Variants in USP34 observed in about 807,000 individuals in gnomAD.
The protein encoded by USP34 is ubiquitin specific peptidase 34.
In USP34, 70 loss-of-function variants were observed where a neutral mutation model predicts 460.3. That is an observed-to-expected ratio of 0.15 (90% CI 0.13 to 0.19). The LOEUF is 0.19. Ranked by LOEUF, USP34 falls within the 10% of genes least tolerant of loss-of-function variation. The pLI is 1.00. For missense variants in USP34, 3,985 were observed against 4,236.2 expected (o/e 0.94, Z 1.65); for synonymous variants, 1,647 against 1,405.3 (o/e 1.17, Z -3.85).
At chr2:61,204,960 T>C (rs746279290) in intron 72 of USP34, among the ~76,000 whole-genome samples, 3 of 152,124 alleles carry the variant, frequency 2.0e-5, no homozygotes, top group Admixed American at 6.6e-5. Context: ...GTGCAAGTGA[T>C]CCTCCTGCCT....
intron 2 of USP34, among the ~76,000 whole-genome samples, chr2:61,415,935 G>A (rs942977872): frequency 6.6e-6 from 1 of 152,170 alleles, no homozygotes; most frequent in Admixed American, 6.5e-5. Context: ...AATTTTAAAA[G>A]TAATACTAAG....
chr2:61,378,912 C>CGAAAAAAAAAA (rs1692879189), intron 7 of USP34, among the ~76,000 whole-genome samples: 1 of 8,632 alleles, frequency 1.2e-4, no homozygotes, highest in Non-Finnish European at 2.1e-4. Flanking sequence ...CTCAAAAAAA[C>CGAAAAAAAAAA]GAAAAAAAAA....
chr2:61,191,559 T>TGC (rs1686643677), intron 76 of USP34, among the ~76,000 whole-genome samples: 1 of 152,204 alleles, frequency 6.6e-6, no homozygotes, highest in African/African-American at 2.4e-5. Context: ...TCACAGCCTG[T>TGC]GCCTCTGCCT....
Position 61,211,835 on chromosome 2 carries a change from T to A in USP34, c.8777A>T (p.Lys2926Ile). ...EELEDIKQFK[K>I]TTISCYLRCL... ...ACGTAAGTAACAACTTATGGTTGTT[T>A]TCTTGAACTGTTTAATATCTTCTAA... The change falls in exon 69 of 80, where the codon AAA becomes ATA. Residue 2926 changes from lysine (K) to isoleucine (I), a missense_variant. Physicochemically the swap from Lys to Ile is moderately radical, Grantham distance 102. Transcript: ENST00000398571. 1 of 1,609,178 alleles carries A rather than the reference T, an allele frequency of 6.2e-7. No individual in the cohort carries two copies.
intron 75 of USP34, chr2:61,193,984 G>C (rs1201739394): frequency 2.7e-6 from 1 of 375,380 alleles, no homozygotes. Context: ...TAATTTTCAT[G>C]TCAGAAAATA....
chr2:61,190,447 G>C lies in USP34; in HGVS notation c.9730-33C>G, dbSNP rs773393446. On this transcript the variant is annotated intron_variant, in intron 77 of 79. Transcript: ENST00000398571. ...AGAAGATTTAAAAAAATCTCCAAAA[G>C]ACCAGCATAATGAAACCACAAGCAT... is the stretch of plus-strand genomic sequence containing the variant. 8 of 1,601,012 alleles carry C rather than the reference G, an allele frequency of 5.0e-6. No individual in the cohort carries two copies. The Admixed American group carries it at 1.4e-4, about 28-fold the overall frequency.
Position 61,223,295 on chromosome 2 carries a change from G to A in USP34, c.7597C>T (p.His2533Tyr), listed in dbSNP as rs1483822596. 2 of 1,613,252 alleles carry A rather than the reference G, an allele frequency of 1.2e-6. No individual in the cohort carries two copies. The highest frequency in any genetic ancestry group is 2.7e-5 in the African/African-American group (2 of 75,010). ...ATGTCAGTCTGTGATAATGTCAAAT[G>A]CCTGAAAGAAAATATTAGTGGAAAT... The part of the protein sequence containing the change: ...LLVEQSRSER[H>Y]LTLSQTDMAA... Residue 2533 changes from histidine (H) to tyrosine (Y), a missense_variant and splice_region_variant, in exon 63 of 80, where the codon CAT becomes TAT. His to Tyr is a moderately conservative substitution (Grantham distance 83). Around this residue, in one of 14 missense-constraint regions of USP34, gnomAD observed 604 missense variants for 684.8 expected, o/e 0.88. Transcript: ENST00000398571.
intron 43 of USP34, among the ~76,000 whole-genome samples, chr2:61,260,710 T>C (rs1174941980): frequency 6.6e-6 from 1 of 152,190 alleles, no homozygotes; most frequent in East Asian, 1.9e-4. Context: ...ACTCCTGTTA[T>C]ATGAGAGGCT....
chr2:61,470,300 T>TC (rs1695911635), intron 1 of USP34, among the ~76,000 whole-genome samples: 1 of 151,996 alleles, frequency 6.6e-6, no homozygotes, highest in South Asian at 2.1e-4. Flanking sequence ...CGACCCCACC[T>TC]CCCCGCACCT....
chr2:61,265,662 T>G, intron 42 of USP34, 105 bp from the exon 43 acceptor site: 1 of 1,024,134 alleles, frequency 9.8e-7, no homozygotes, highest in African/African-American at 1.6e-5. Context: ...ACCTCATTAA[T>G]ATATATAGAA....
At chr2:61,446,809 A>T (rs1695132572) in intron 1 of USP34, among the ~76,000 whole-genome samples, 1 of 151,942 alleles carries the variant, frequency 6.6e-6, no homozygotes, top group Non-Finnish European at 1.5e-5. Context: ...AAAAAAAAAA[A>T]AAAATTCCAC....
intron 3 of USP34, among the ~76,000 whole-genome samples, chr2:61,405,254 AAAAGAAAG>A (rs1553384297): frequency 6.6e-4 from 64 of 97,430 alleles, no homozygotes; most frequent in African/African-American, 2.4e-3. Flanking sequence ...AAAAAAAAAA[AAAAGAAAG>A]AAAGAAAGAA....
chr2:61,301,465 G>C lies in USP34; in HGVS notation c.3818-11C>G. The C allele has an allele frequency of 6.2e-7, 1 of 1,602,396 alleles. No homozygotes were observed. The highest frequency in any genetic ancestry group is 2.2e-5 in the East Asian group (1 of 44,776). On this transcript the variant is annotated splice_polypyrimidine_tract_variant and intron_variant, in intron 27 of 79. Transcript: ENST00000398571. ...GTCCCATGAGGCCTCCTTAAAAACAGCAAAACATGGAAATGAATTTGTTTT... is the reference window on the plus strand; with the variant it reads ...GTCCCATGAGGCCTCCTTAAAAACACCAAAACATGGAAATGAATTTGTTTT...
At chr2:61,325,544 C>G in intron 20 of USP34, 87 bp from the exon 21 acceptor site, 4 of 703,104 alleles carry the variant, frequency 5.7e-6, no homozygotes, top group Middle Eastern at 4.5e-4. Context: ...TAACTTATAC[C>G]AAAAATTGTT....
chr2:61,353,480 C>G (rs1452717526), intron 10 of USP34, among the ~76,000 whole-genome samples: 1 of 151,664 alleles, frequency 6.6e-6, no homozygotes, highest in Non-Finnish European at 1.5e-5. Context: ...CCACGTGTGC[C>G]TCCCAGGTTC....
chr2:61,406,173 C>T, intron 2 of USP34, 45 bp from the exon 3 acceptor site: 1 of 1,403,988 alleles, frequency 7.1e-7, no homozygotes, highest in Non-Finnish European at 9.4e-7. Flanking sequence ...AAAGCAGCAG[C>T]TGTATTTTTT....
At position 61,439,474 on chromosome 2, in the gene USP34, G is replaced by A. The variant is rs1694905470; in HGVS notation, c.44-18641C>T. On this transcript the variant is annotated intron_variant, in intron 1 of 79. Coordinates refer to ENST00000398571, the MANE Select transcript of USP34 (RefSeq NM_014709.4). ...GTCTCCCCTGCTGTATGTGAGCACT[G>A]GGAGGGAAGGGGCCGTTTCCATTTC... Among the ~76,000 whole-genome samples, 2 of 152,172 alleles carry A rather than the reference G, an allele frequency of 1.3e-5. 1 individual carries two copies. The highest frequency in any genetic ancestry group is 3.9e-4 in the East Asian group (2 of 5,186).
At chr2:61,467,888 T>C (rs1695825346) in intron 1 of USP34, among the ~76,000 whole-genome samples, 1 of 152,110 alleles carries the variant, frequency 6.6e-6, no homozygotes, top group East Asian at 1.9e-4. Context: ...CCCAAAGTGT[T>C]GGGAATACAG....
chr2:61,427,762 A>C (rs994567944), intron 1 of USP34, among the ~76,000 whole-genome samples: 2 of 152,234 alleles, frequency 1.3e-5, no homozygotes, highest in African/African-American at 4.8e-5. Flanking sequence ...GAGTTCAAAC[A>C]CAGACTATTT....
Sources: gnomAD v4.1 joint callset for allele counts (sites outside exome capture counted in the v4.1 genomes callset) on GRCh38, gnomAD v4.1.1 for gene constraint, gnomAD v4.1.1 regional missense constraint, MANE v1.5 for transcripts, NCBI Gene and HGNC (gene_info 2026-07-23, HGNC 2026-07-21) for gene names.